Variants in PRKG2 observed in about 807,000 individuals in gnomAD.
PRKG2 encodes cGMP-dependent protein kinase 2.
PRKG2 carries 33 observed loss-of-function variants against 97.2 expected under a neutral mutation model. The observed-to-expected ratio is 0.34, with a 90% confidence interval of 0.26 to 0.45. PRKG2 has a LOEUF of 0.45. PRKG2 is among the 20% of genes least tolerant of loss of function. The probability of loss-of-function intolerance (pLI) is 1.00; values close to 1 mark genes in which losing one functional copy is unlikely to be tolerated. For synonymous variants in PRKG2, 330 were observed against 321.8 expected (o/e 1.03, Z -0.27); for missense variants, 638 against 900.0 (o/e 0.71, Z 3.73).
In PRKG2 at chr4:81,089,503, C is replaced by T; in HGVS notation, c.*205G>A. 1 of 441,306 alleles carries T rather than the reference C, an allele frequency of 2.3e-6. No homozygotes were observed. The highest frequency in any genetic ancestry group is 4.0e-6 in the Non-Finnish European group (1 of 251,784). The allele number at this position is 441,306 out of a possible 1,614,324, so 27.3% of individuals were successfully genotyped here. A position where few individuals can be genotyped will look rare whatever the true frequency, so the allele number is the denominator to read the frequency against. On this transcript the variant is annotated 3_prime_UTR_variant, in exon 19 of 19. Transcript: ENST00000264399. ...GTTGAGAAAAGCAAATAATGTAATA[C>T]ATCAATAATTCACAGCATCTAAATA...
intron 6 of PRKG2, among the ~76,000 whole-genome samples, chr4:81,166,268 GA>G (rs1749974092): frequency 6.6e-6 from 1 of 152,066 alleles, no homozygotes; most frequent in African/African-American, 2.4e-5. Flanking sequence ...GTGATTGACA[GA>G]GGCATGAATC....
At chr4:81,167,641 C>A (rs1750101672) in intron 5 of PRKG2, among the ~76,000 whole-genome samples, 1 of 151,910 alleles carries the variant, frequency 6.6e-6, no homozygotes, top group African/African-American at 2.4e-5. Context: ...TGTCTAAATC[C>A]TTATAATTAA....
At position 81,151,917 on chromosome 4, in the gene PRKG2, G is replaced by A. The variant is rs745477031; in HGVS notation, c.1085+43C>T. On this transcript the variant is annotated intron_variant, in intron 8 of 18. Coordinates refer to ENST00000264399, the MANE Select transcript of PRKG2 (RefSeq NM_006259.3). ...AAATGATTTTATATAAAAAATAGTC[G>A]AAGCATTTTATCCAAAGTATGGCAT... 168 of 1,454,494 alleles carry A rather than the reference G, an allele frequency of 1.2e-4. 1 individual carries two copies. Among genetic ancestry groups the A allele is most frequent in the Middle Eastern group, 3.6e-4 (2 of 5,602 alleles). 90.1% of individuals were successfully genotyped at this position (1,454,494 alleles called of 1,614,324 possible).
rs76184142 is a variant in PRKG2, at chr4:81,170,619, A to T, written c.743-851T>A. Among the ~76,000 whole-genome samples, 708 of 152,240 alleles carry T rather than the reference A, an allele frequency of 4.7e-3. 4 individuals carry two copies. The highest frequency in any genetic ancestry group is 0.016 in the African/African-American group (676 of 41,542). ...TGCATTTTTATCAAATACCTCAGCA[A>T]GGCTAACACATATAAACTAGTCCCA... On this transcript the variant is annotated intron_variant, in intron 4 of 18. Transcript: ENST00000264399.
chr4:81,217,020 G>C (rs79931580), upstream of PRKG2, among the ~76,000 whole-genome samples: 1 of 100,054 alleles, frequency 1.0e-5, no homozygotes, highest in Non-Finnish European at 2.1e-5. Flanking sequence ...TAGTGTGTGT[G>C]TATATATTTT....
chr4:81,196,414 G>A (rs908956011), intron 2 of PRKG2, among the ~76,000 whole-genome samples: 4 of 152,168 alleles, frequency 2.6e-5, no homozygotes, highest in African/African-American at 9.7e-5. Context: ...TTATTGCACA[G>A]CAATAGAAAA....
chr4:81,118,479 G>C (rs1744769543), intron 14 of PRKG2, among the ~76,000 whole-genome samples: 1 of 152,144 alleles, frequency 6.6e-6, no homozygotes, highest in Non-Finnish European at 1.5e-5. Context: ...CATTGTTCTA[G>C]AATTTAGCCA....
chr4:81,194,465 T>C (rs1752814961), intron 2 of PRKG2, among the ~76,000 whole-genome samples: 1 of 151,354 alleles, frequency 6.6e-6, no homozygotes, highest in African/African-American at 2.4e-5. Context: ...GTGACAAAAA[T>C]GAGGTCATCC....
At chr4:81,091,961 C>T (rs555216706) in intron 18 of PRKG2, among the ~76,000 whole-genome samples, 1 of 152,208 alleles carries the variant, frequency 6.6e-6, no homozygotes, top group Admixed American at 6.5e-5. Context: ...ACCTATCTCA[C>T]TAATATTTTA....
chr4:81,161,166 C>A (rs766935925), intron 6 of PRKG2, among the ~76,000 whole-genome samples: 1 of 152,038 alleles, frequency 6.6e-6, no homozygotes, highest in Non-Finnish European at 1.5e-5. Context: ...AACAAACATG[C>A]GTTTTATTTT....
At chr4:81,186,973 G>A (rs951055552) in intron 2 of PRKG2, among the ~76,000 whole-genome samples, 1 of 149,646 alleles carries the variant, frequency 6.7e-6, no homozygotes, top group African/African-American at 2.5e-5. Flanking sequence ...AGAAATTGAG[G>A]CAGTAATTAA....
intron 6 of PRKG2, among the ~76,000 whole-genome samples, chr4:81,156,660 A>C (rs554424739): frequency 6.6e-6 from 1 of 152,288 alleles, no homozygotes; most frequent in East Asian, 1.9e-4. Flanking sequence ...CCTACTCCAA[A>C]ATTGACCACA....
At chr4:81,163,901 CACCT>C (rs1749775234) in intron 6 of PRKG2, among the ~76,000 whole-genome samples, 1 of 145,284 alleles carries the variant, frequency 6.9e-6, no homozygotes, top group African/African-American at 2.7e-5. Context: ...CACACACACA[CACCT>C]CTGTGCATTA....
rs1336081024 is a variant in PRKG2 at position 81,142,857 on chromosome 4, G to A, written c.1344C>T (p.Ser448=). The change falls in exon 11 of 19, where the codon TCC becomes TCT. Residue 448 remains serine (S), a synonymous_variant. Coordinates refer to ENST00000264399, the MANE Select transcript of PRKG2 (RefSeq NM_006259.3). ...KEKVARFSSS[S]PFQNLEIIAT... is the part of the protein sequence containing the mutation. ...CAATAATCTCAAGGTTCTGGAATGG[G>A]GATGATGAGGAAAATCTGGCCACCT... The A allele has an allele frequency of 6.2e-7, 1 of 1,613,262 alleles. No individual in the cohort carries two copies. Among genetic ancestry groups the A allele is most frequent in the South Asian group, 1.1e-5 (1 of 90,900 alleles).
At position 81,142,832 on chromosome 4, in the gene PRKG2, C is replaced by T. The variant is rs756811534; in HGVS notation, c.1369G>A (p.Ala457Thr). 1.9e-6 allele frequency: 3 copies of T among 1,611,360 alleles called. No homozygotes were observed. The East Asian group carries it at 6.7e-5, about 36-fold the overall frequency. ...SSPFQNLEII[A>T]TLGVGGFGRV... ...CCGAACCCACCAACGCCCAGTGTTG[C>T]AATAATCTCAAGGTTCTGGAATGGG... is the stretch of plus-strand genomic sequence containing the variant. The change falls in exon 11 of 19, where the codon GCA (alanine) becomes ACA (threonine). Residue 457 changes from alanine to threonine, a missense_variant. By Grantham distance (58) the Ala-to-Thr change is moderately conservative. This residue lies in a region of PRKG2 where 304 missense variants were observed against 460.5 expected (regional missense o/e 0.66). Coordinates refer to ENST00000264399, the MANE Select transcript of PRKG2 (RefSeq NM_006259.3).
At chr4:81,131,747 TC>T (rs1334501585) in intron 14 of PRKG2, among the ~76,000 whole-genome samples, 2 of 152,182 alleles carry the variant, frequency 1.3e-5, no homozygotes, top group Non-Finnish European at 1.5e-5. Context: ...TTGAAAAGAT[TC>T]TTTTGCTGAC....
intron 14 of PRKG2, 149 bp from the exon 15 acceptor site, chr4:81,110,760 G>GAGAGAGAGAGAGAC: frequency 1.7e-6 from 1 of 578,848 alleles, no homozygotes; most frequent in Non-Finnish European, 2.7e-6. Context: ...AAGAGAGAGA[G>GAGAGAGAGAGAGAC]AGAGAGACAG....
intron 16 of PRKG2, 62 bp from the exon 17 acceptor site, chr4:81,104,494 G>A: frequency 1.2e-6 from 1 of 808,308 alleles, no homozygotes; most frequent in Non-Finnish European, 1.7e-6. Context: ...TTATAATTCA[G>A]AAAATTTTAA....
intron 6 of PRKG2, among the ~76,000 whole-genome samples, chr4:81,158,942 CT>C (rs1749361696): frequency 6.7e-6 from 1 of 148,400 alleles, no homozygotes; most frequent in East Asian, 1.9e-4. Context: ...TTCCTTACAC[CT>C]TATACAAAAA....
Sources: allele counts gnomAD v4.1 joint callset (sites outside exome capture counted in the v4.1 genomes callset), GRCh38; gene constraint gnomAD v4.1.1; regional missense constraint gnomAD v4.1.1; transcripts MANE v1.5; gene names NCBI Gene and HGNC (gene_info 2026-07-23, HGNC 2026-07-21).